Variants in WNK2 observed in about 807,000 individuals in gnomAD.
WNK2 encodes the protein WNK lysine deficient protein kinase 2.
WNK2 carries 67 observed loss-of-function variants against 192.1 expected under a neutral mutation model. The ratio of observed to expected loss-of-function variants is 0.35; its 90% CI spans 0.29 to 0.43. The LOEUF (loss-of-function observed/expected upper bound fraction) is 0.43, where lower values mean the gene tolerates loss of function less well. Among genes scored for constraint, WNK2 ranks in the 20% least tolerant of loss-of-function variants. The pLI, the probability that WNK2 is intolerant of heterozygous loss-of-function variation, is 1.00. For missense variants in WNK2, 2,698 were observed against 3,089.7 expected (o/e 0.87, Z 3.01); for synonymous variants, 1,439 against 1,393.9 (o/e 1.03, Z -0.72).
rs151191594 is a variant in WNK2, at chr9:93,192,438, C to G, written c.681+6828C>G. On this transcript the variant is annotated intron_variant, in intron 2 of 29. Transcript: ENST00000427277. ...AATGTGGATTTAGGGGAAGGGCAGGCCTTGGCTTGGGACATGCTTAATCTG... is the reference window on the plus strand; with the variant it reads ...AATGTGGATTTAGGGGAAGGGCAGGGCTTGGCTTGGGACATGCTTAATCTG... Among the ~76,000 whole-genome samples, 696 of 152,010 alleles carry G rather than the reference C, an allele frequency of 4.6e-3. 2 individuals are homozygous for G. Among genetic ancestry groups the G allele is most frequent in the Non-Finnish European group, 5.6e-3 (379 of 68,006 alleles).
chr9:93,306,728 C>G (rs747023333), intron 26 of WNK2, 49 bp from the exon 27 acceptor site: 1 of 1,611,242 alleles, frequency 6.2e-7, no homozygotes, highest in Non-Finnish European at 8.5e-7. Flanking sequence ...CCAGTGTGTG[C>G]TGTTCTGCCT....
At chr9:93,232,120 C>T (rs13287544) in intron 4 of WNK2, among the ~76,000 whole-genome samples, 24,087 of 152,156 alleles carry the variant, frequency 0.16, 2,003 homozygotes, top group South Asian at 0.29. Flanking sequence ...GAGGGCAGGA[C>T]AGTGAGCAGT....
At chr9:93,216,823 C>CAACAACA (rs1564009626) in intron 2 of WNK2, among the ~76,000 whole-genome samples, 3 of 143,786 alleles carry the variant, frequency 2.1e-5, no homozygotes, top group African/African-American at 7.6e-5. Context: ...ACAACAACAA[C>CAACAACA]AACAAACAAA....
intron 2 of WNK2, among the ~76,000 whole-genome samples, chr9:93,224,746 C>G (rs1372312036): frequency 1.3e-5 from 2 of 152,172 alleles, no homozygotes; most frequent in East Asian, 3.9e-4. Flanking sequence ...AAGATTGGTG[C>G]TGATTGACCT....
In WNK2 at chr9:93,257,715, C is replaced by T. The variant is rs1264430555; in HGVS notation, c.2382+576C>T. On this transcript the variant is annotated intron_variant, in intron 11 of 29. Transcript: ENST00000427277. This position sits in a 1 kb window ranked among gnomAD's most constrained non-coding sequence, Gnocchi z 4.7. Reference sequence around the variant, plus strand: ...TGTGGCATGTGGCTCCTCGGAGTTCCAAAGCCAGCCTGTGGCATTGCTGAC... The same window carrying T: ...TGTGGCATGTGGCTCCTCGGAGTTCTAAAGCCAGCCTGTGGCATTGCTGAC... Among the ~76,000 whole-genome samples the T allele has an allele frequency of 6.6e-6, 1 of 152,208 alleles. No homozygotes were observed. The highest frequency in any genetic ancestry group is 1.5e-5 in the Non-Finnish European group (1 of 68,044).
rs1436320528 is a variant in WNK2, at chr9:93,257,507, C to T, written c.2382+368C>T. On this transcript the variant is annotated intron_variant, in intron 11 of 29. Coordinates refer to ENST00000427277, the MANE Select transcript of WNK2 (RefSeq NM_006648.4). This position sits in a 1 kb window ranked among gnomAD's most constrained non-coding sequence, Gnocchi z 4.7. ...GGCAGCCCAGTACCCCATCACCTGGCACCCTCCCAGCAAGGTGCCCATCTG... is the reference window on the plus strand; with the variant it reads ...GGCAGCCCAGTACCCCATCACCTGGTACCCTCCCAGCAAGGTGCCCATCTG... 6.6e-6 allele frequency among the ~76,000 whole-genome samples: 1 copy of T among 152,194 alleles called. No individual in the cohort carries two copies. The highest frequency in any genetic ancestry group is 1.5e-5 in the Non-Finnish European group (1 of 68,016).
chr9:93,199,320 G>C (rs1262974974), intron 2 of WNK2, among the ~76,000 whole-genome samples: 1 of 152,174 alleles, frequency 6.6e-6, no homozygotes, highest in Non-Finnish European at 1.5e-5. Flanking sequence ...GGATAGTCCT[G>C]GGCTCTGGAC....
Position 93,239,808 on chromosome 9 carries a change from C to G in WNK2, c.1374C>G (p.Gly458=). 1 of 1,578,634 alleles carries G rather than the reference C, an allele frequency of 6.3e-7. No individual in the cohort carries two copies. Among genetic ancestry groups the G allele is most frequent in the South Asian group, 1.2e-5 (1 of 86,024 alleles). Residue 458 remains glycine (G), a synonymous_variant, in exon 7 of 30, where the codon GGC becomes GGG. Coordinates refer to ENST00000427277, the MANE Select transcript of WNK2 (RefSeq NM_006648.4). This position sits in a 1 kb window ranked among gnomAD's most constrained non-coding sequence, Gnocchi z 4.2. ...LSHAFFAEDT[G]VRVELAEEDH... ...ACGCCTTCTTCGCAGAGGACACAGG[C>G]GTGAGGGTGGAGCTCGCGGAGGAGG...
chr9:93,232,171 T>G (rs1017971438), intron 4 of WNK2, among the ~76,000 whole-genome samples: 1 of 152,072 alleles, frequency 6.6e-6, no homozygotes, highest in African/African-American at 2.4e-5. Context: ...TGCTGCATGT[T>G]TGGGGACAGA....
At chr9:93,230,836 G>C (rs1468080922) in intron 3 of WNK2, 52 bp from the exon 4 acceptor site, 43 of 1,545,354 alleles carry the variant, frequency 2.8e-5, no homozygotes, top group Non-Finnish European at 7.9e-6. Context: ...GCTTTGCTAG[G>C]GGGCCGCTGC....
rs761380417 is a variant in WNK2 at position 93,185,627 on chromosome 9, C to T, written c.681+17C>T. 6.2e-7 allele frequency: 1 copy of T among 1,600,464 alleles called. No individual in the cohort carries two copies. The highest frequency in any genetic ancestry group is 8.5e-7 in the Non-Finnish European group (1 of 1,173,878). On this transcript the variant is annotated intron_variant, in intron 2 of 29. Transcript: ENST00000427277. ...GAGCTGCAGGTGAGGGTGCCCCAGC[C>T]CGCAGGGGGCTTTCCGCAGGGTCTG... is the stretch of plus-strand genomic sequence containing the variant.
chr9:93,291,157 C>T (rs1215697231), intron 21 of WNK2, among the ~76,000 whole-genome samples: 1 of 152,142 alleles, frequency 6.6e-6, no homozygotes, highest in Non-Finnish European at 1.5e-5. Context: ...GAAGCAAGAG[C>T]ATCTTCCCAA....
At chr9:93,297,751 C>T in intron 23 of WNK2, 102 bp from the exon 24 acceptor site, 1 of 1,258,980 alleles carries the variant, frequency 7.9e-7, no homozygotes, top group Non-Finnish European at 1.1e-6. Flanking sequence ...GGTGCCCACC[C>T]TTCATCCCAT....
intron 19 of WNK2, among the ~76,000 whole-genome samples, chr9:93,284,428 A>C (rs969949491): frequency 1.3e-5 from 2 of 152,244 alleles, no homozygotes; most frequent in African/African-American, 4.8e-5. Flanking sequence ...TTTATTCACT[A>C]TATCCCAATA....
chr9:93,294,174 T>C (rs1588497984), intron 23 of WNK2, among the ~76,000 whole-genome samples: 1 of 152,306 alleles, frequency 6.6e-6, no homozygotes, highest in Admixed American at 6.5e-5. Context: ...CTCCTTTCTC[T>C]CCTGCGAGCC....
intron 7 of WNK2, among the ~76,000 whole-genome samples, chr9:93,245,597 C>T (rs1270203447): frequency 6.6e-6 from 1 of 152,240 alleles, no homozygotes; most frequent in Admixed American, 6.5e-5. Context: ...AGTTGAGCTC[C>T]TCTCACCTTT....
At chr9:93,250,398 T>C (rs1446396100) in intron 8 of WNK2, among the ~76,000 whole-genome samples, 1 of 152,218 alleles carries the variant, frequency 6.6e-6, no homozygotes, top group Non-Finnish European at 1.5e-5. Flanking sequence ...AATATGCACA[T>C]GCACACTGAC....
In WNK2 at chr9:93,268,700, T is replaced by A; in HGVS notation, c.3987T>A (p.Ser1329=). Residue 1329 remains serine (S), a synonymous_variant, in exon 19 of 30, where the codon TCT becomes TCA. Coordinates refer to ENST00000427277, the MANE Select transcript of WNK2 (RefSeq NM_006648.4). ...AEHPAPEAPE[S]SPPLPLSSLP... is the part of the protein sequence containing the mutation. ...ACCCCGCCCCCGAGGCCCCTGAATC[T>A]TCGCCCCCACTTCCTCTAAGCTCCC... is the stretch of plus-strand genomic sequence containing the variant. 6.2e-7 allele frequency: 1 copy of A among 1,613,376 alleles called. No homozygotes were observed. The highest frequency in any genetic ancestry group is 8.5e-7 in the Non-Finnish European group (1 of 1,179,762).
chr9:93,297,917 C>G lies in WNK2; in HGVS notation c.5773C>G (p.Arg1925Gly). 6.3e-7 allele frequency: 1 copy of G among 1,589,472 alleles called. No individual in the cohort carries two copies. Among genetic ancestry groups the G allele is most frequent in the Non-Finnish European group, 8.5e-7 (1 of 1,169,698 alleles). Residue 1925 changes from arginine to glycine, a missense_variant, in exon 24 of 30, where the codon CGC becomes GGC. Physicochemically the swap from Arg to Gly is moderately radical, Grantham distance 125 (BLOSUM62 -2). This residue lies in a region of WNK2 where 1,098 missense variants were observed against 1,101.0 expected (regional missense o/e 1.00). Transcript: ENST00000427277. ...QKQEIEALYR[R>G]LGKPLPPNVG... ...GCAGGAGATCGAAGCTCTGTACCGC[C>G]GCCTGGGCAAGCCACTGCCCCCCAA...
Sources: allele counts gnomAD v4.1 joint callset (sites outside exome capture counted in the v4.1 genomes callset), GRCh38; gene constraint gnomAD v4.1.1; regional missense constraint gnomAD v4.1.1; non-coding constraint Gnocchi (gnomAD v3.1); transcripts MANE v1.5; gene names NCBI Gene and HGNC (gene_info 2026-07-23, HGNC 2026-07-21).